Variants in AUTS2 observed in about 807,000 individuals in gnomAD.
AUTS2 encodes the protein activator of transcription and developmental regulator AUTS2, also known as autism susceptibility gene 2 protein.
In AUTS2, 17 loss-of-function variants were observed where a neutral mutation model predicts 112.4. The observed-to-expected ratio is 0.15, with a 90% CI of 0.10 to 0.23. The LOEUF is 0.23. Ranked by LOEUF, AUTS2 falls within the 10% of genes least tolerant of loss-of-function variation. AUTS2 has a pLI of 1.00. For missense variants in AUTS2, 1,510 were observed against 1,701.6 expected (o/e 0.89, Z 1.98); for synonymous variants, 751 against 702.7 (o/e 1.07, Z -1.09).
intron 5 of AUTS2, among the ~76,000 whole-genome samples, chr7:70,637,906 C>T (rs1410586559): frequency 6.6e-6 from 1 of 152,148 alleles, no homozygotes; most frequent in Non-Finnish European, 1.5e-5. Flanking sequence ...ATTTCCCTCC[C>T]CTCCTTTCTT....
chr7:70,076,339 G>T (rs937726363), intron 2 of AUTS2, among the ~76,000 whole-genome samples: 2 of 152,278 alleles, frequency 1.3e-5, no homozygotes, highest in Non-Finnish European at 2.9e-5. Flanking sequence ...CTTGGACACT[G>T]CTACCTTAAG....
At chr7:70,699,126 A>C (rs1248692162) in intron 6 of AUTS2, 2 of 152,304 alleles carry the variant, frequency 1.3e-5, no homozygotes, top group Non-Finnish European at 2.9e-5. Context: ...AATTTCTTCC[A>C]AACCACGATC....
At chr7:70,372,821 G>A (rs958855444) in intron 4 of AUTS2, among the ~76,000 whole-genome samples, 5 of 152,040 alleles carry the variant, frequency 3.3e-5, no homozygotes, top group African/African-American at 1.2e-4. Context: ...GGACTAATCT[G>A]CTGAATGTGG....
chr7:69,797,610 T>C (rs1229433500), intron 1 of AUTS2, among the ~76,000 whole-genome samples: 4 of 152,272 alleles, frequency 2.6e-5, no homozygotes, highest in Admixed American at 1.3e-4. Flanking sequence ...CACTGGGAAT[T>C]TGTGGTGTTC....
chr7:70,511,556 ATTTTC>A (rs1799189984), intron 5 of AUTS2, among the ~76,000 whole-genome samples: 2 of 41,744 alleles, frequency 4.8e-5, no homozygotes, highest in Non-Finnish European at 1.0e-4. Flanking sequence ...ACTTTTTTTC[ATTTTC>A]TTTTTTTTTT....
At chr7:70,578,550 C>T (rs1031443795) in intron 5 of AUTS2, among the ~76,000 whole-genome samples, 1 of 152,220 alleles carries the variant, frequency 6.6e-6, no homozygotes, top group African/African-American at 2.4e-5. Flanking sequence ...CAACTATAAA[C>T]GTTAGTAAAC....
chr7:70,100,186 C>T (rs1008060044), intron 2 of AUTS2, among the ~76,000 whole-genome samples: 2 of 152,102 alleles, frequency 1.3e-5, no homozygotes, highest in Non-Finnish European at 2.9e-5. Context: ...TACTGGCTTC[C>T]ATATTAATGT....
At chr7:70,112,718 T>G (rs1805147031) in intron 2 of AUTS2, among the ~76,000 whole-genome samples, 1 of 151,990 alleles carries the variant, frequency 6.6e-6, no homozygotes, top group Admixed American at 6.6e-5. Context: ...TCTTTTTCCC[T>G]CTCTCTTTTT....
intron 1 of AUTS2, among the ~76,000 whole-genome samples, chr7:69,602,074 G>A (rs1349999922): frequency 1.9e-3 from 96 of 50,018 alleles, no homozygotes; most frequent in African/African-American, 6.5e-3. Flanking sequence ...GTGTGTGTGT[G>A]TGTGTGTGTG....
intron 6 of AUTS2, among the ~76,000 whole-genome samples, chr7:70,711,095 C>T (rs1182715567): frequency 6.6e-6 from 1 of 152,206 alleles, no homozygotes; most frequent in African/African-American, 2.4e-5. Context: ...GACCCAGTTA[C>T]AACCTGTTAC....
intron 1 of AUTS2, among the ~76,000 whole-genome samples, chr7:69,701,813 C>T (rs75105378): frequency 0.062 from 9,390 of 152,270 alleles, 329 homozygotes; most frequent in East Asian, 0.13. Context: ...TTATCTGATT[C>T]TCCCAATGCC....
intron 2 of AUTS2, among the ~76,000 whole-genome samples, chr7:70,005,251 T>C (rs2129553496): frequency 6.6e-6 from 1 of 152,194 alleles, no homozygotes; most frequent in Non-Finnish European, 1.5e-5. Flanking sequence ...GGTGACCTGG[T>C]TTGGATTTCC....
At chr7:69,643,293 C>T (rs563356038) in intron 1 of AUTS2, 1 of 153,108 alleles carries the variant, frequency 6.5e-6, no homozygotes, top group African/African-American at 2.4e-5. Context: ...TTGCTCTACT[C>T]TGGTTAAAAG....
At chr7:70,444,855 TACTC>T (rs1246193540) in intron 5 of AUTS2, among the ~76,000 whole-genome samples, 2 of 152,232 alleles carry the variant, frequency 1.3e-5, no homozygotes, top group Non-Finnish European at 2.9e-5. Flanking sequence ...GTGGTTGTAG[TACTC>T]AAGGAGCCCA....
At chr7:70,443,323 T>G (rs1049172601) in intron 5 of AUTS2, among the ~76,000 whole-genome samples, 1 of 152,214 alleles carries the variant, frequency 6.6e-6, no homozygotes, top group Non-Finnish European at 1.5e-5. Context: ...AATTCCTGAT[T>G]TCTCACTCAC....
intron 4 of AUTS2, among the ~76,000 whole-genome samples, chr7:70,380,685 T>C (rs1345456456): frequency 6.6e-6 from 1 of 152,254 alleles, no homozygotes; most frequent in Non-Finnish European, 1.5e-5. Flanking sequence ...CTGGCGACCA[T>C]GGGCTTTTTC....
At chr7:70,028,231 G>A (rs1321375657) in intron 2 of AUTS2, among the ~76,000 whole-genome samples, 1 of 151,988 alleles carries the variant, frequency 6.6e-6, no homozygotes, top group African/African-American at 2.4e-5. Context: ...TCCCTCCCAA[G>A]TTTAGTTCAC....
At chr7:70,393,193 G>A (rs1298256764) in intron 4 of AUTS2, among the ~76,000 whole-genome samples, 1 of 152,194 alleles carries the variant, frequency 6.6e-6, no homozygotes, top group Non-Finnish European at 1.5e-5. Context: ...ACCTCCTCGG[G>A]AGACTGAAAA....
At chr7:69,926,105 G>A (rs1028631853) in intron 2 of AUTS2, among the ~76,000 whole-genome samples, 2 of 152,158 alleles carry the variant, frequency 1.3e-5, no homozygotes, top group Non-Finnish European at 2.9e-5. Context: ...GATGTTCCCT[G>A]AGCACTTGAG....
Sources: allele counts gnomAD v4.1 joint callset (sites outside exome capture counted in the v4.1 genomes callset), GRCh38; gene constraint gnomAD v4.1.1; transcripts MANE v1.5; gene names NCBI Gene and HGNC (gene_info 2026-07-23, HGNC 2026-07-21).